The following EEPD1 variants were observed in gnomAD, a reference collection of about 807,000 sequenced individuals.
EEPD1 encodes the protein endonuclease/exonuclease/phosphatase family domain-containing protein 1.
EEPD1 carries 17 observed loss-of-function variants against 46.3 expected under a neutral mutation model. The observed-to-expected ratio is 0.37, with a 90% confidence interval of 0.25 to 0.55. The LOEUF (loss-of-function observed/expected upper bound fraction) is 0.55, where lower values mean the gene tolerates loss of function less well. Ranked by LOEUF, EEPD1 falls within the 20% of genes least tolerant of loss-of-function variation. The pLI, the probability that EEPD1 is intolerant of heterozygous loss-of-function variation, is 0.83. For synonymous variants in EEPD1, 313 were observed against 315.6 expected (o/e 0.99, Z 0.09); for missense variants, 673 against 745.6 (o/e 0.90, Z 1.13).
At chr7:36,284,163 G>C (rs1042555191) in intron 4 of EEPD1, among the ~76,000 whole-genome samples, 2 of 152,208 alleles carry the variant, frequency 1.3e-5, no homozygotes, top group Non-Finnish European at 2.9e-5. Context: ...GGTCAACTGC[G>C]ACCTCCACTC....
rs1338413879 is a variant in EEPD1 at position 36,299,383 on chromosome 7, G to C, written c.*177G>C. 2.6e-6 allele frequency: 2 copies of C among 771,256 alleles called. No homozygotes were observed. The highest frequency in any genetic ancestry group is 3.5e-5 in the African/African-American group (2 of 57,098). 47.8% of individuals were successfully genotyped at this position (771,256 alleles called of 1,614,324 possible). A position where few individuals can be genotyped will look rare whatever the true frequency, so the allele number is the denominator to read the frequency against. ...CCATTCAGGACCTCCAGTGGGGGTG[G>C]CGTGCCAGGCGCGTACCCCACCAGG... On this transcript the variant is annotated 3_prime_UTR_variant, in exon 8 of 8. Transcript: ENST00000242108.
At chr7:36,239,150 A>T in intron 3 of EEPD1, 114 bp downstream of exon 3, 1 of 1,037,454 alleles carries the variant, frequency 9.6e-7, no homozygotes, top group Non-Finnish European at 1.5e-6. Flanking sequence ...ACGGTCAGTT[A>T]TTTTGTATTC....
intron 3 of EEPD1, among the ~76,000 whole-genome samples, chr7:36,243,960 A>G (rs1047525905): frequency 6.6e-6 from 1 of 151,496 alleles, no homozygotes; most frequent in Non-Finnish European, 1.5e-5. Context: ...TGACGAGTTA[A>G]TGGGTGCAGC....
chr7:36,289,508 T>C (rs1425191069), intron 6 of EEPD1, among the ~76,000 whole-genome samples: 1 of 152,234 alleles, frequency 6.6e-6, no homozygotes, highest in Non-Finnish European at 1.5e-5. Context: ...TGTCAGAATT[T>C]CCTCACTTTT....
At chr7:36,274,624 G>A (rs1787158250) in intron 3 of EEPD1, among the ~76,000 whole-genome samples, 1 of 152,046 alleles carries the variant, frequency 6.6e-6, no homozygotes, top group South Asian at 2.1e-4. Flanking sequence ...TGTGTGCCGT[G>A]GTGATTTGCT....
intron 2 of EEPD1, among the ~76,000 whole-genome samples, chr7:36,183,705 T>G (rs759411): frequency 0.96 from 146,357 of 151,864 alleles, 70,771 homozygotes; most frequent in East Asian, 1. Flanking sequence ...TTGGAGATGG[T>G]GTCTTACTTT....
intron 2 of EEPD1, among the ~76,000 whole-genome samples, chr7:36,235,343 C>G (rs1399700698): frequency 6.6e-6 from 1 of 152,270 alleles, no homozygotes; most frequent in Non-Finnish European, 1.5e-5. Flanking sequence ...TCAATTCTGT[C>G]ACCCTGGTTG....
intron 2 of EEPD1, among the ~76,000 whole-genome samples, chr7:36,214,334 G>A (rs1486407219): frequency 1.3e-5 from 2 of 152,176 alleles, no homozygotes; most frequent in African/African-American, 4.8e-5. Context: ...TGGTTTTTCA[G>A]ACAGCATCCA....
At chr7:36,160,280 G>A (rs1006226971) in intron 2 of EEPD1, among the ~76,000 whole-genome samples, 1 of 152,364 alleles carries the variant, frequency 6.6e-6, no homozygotes, top group African/African-American at 2.4e-5. Context: ...TCTGTTCTAG[G>A]AGGAAAGACA....
At chr7:36,195,164 C>A (rs1034598826) in intron 2 of EEPD1, among the ~76,000 whole-genome samples, 2 of 152,154 alleles carry the variant, frequency 1.3e-5, no homozygotes, top group African/African-American at 2.4e-5. Flanking sequence ...CTCTTAGTAA[C>A]GTGGGAGGGG....
At chr7:36,159,792 C>G (rs184525768) in intron 2 of EEPD1, among the ~76,000 whole-genome samples, 1 of 152,142 alleles carries the variant, frequency 6.6e-6, no homozygotes, top group African/African-American at 2.4e-5. Context: ...AGAGGTAGAG[C>G]CAATCCAAAA....
Position 36,287,689 on chromosome 7 carries a change from C to T in EEPD1, c.1227C>T (p.Thr409=). 17 of 1,614,140 alleles carry T rather than the reference C, an allele frequency of 1.1e-5. No individual in the cohort carries two copies. The highest frequency in any genetic ancestry group is 1.4e-5 in the Non-Finnish European group (17 of 1,180,024). ...TTAACCTTCACCTGGCAGCCCTGACCCTCCTGGGGAGCGAGAATCCCAGCA... is the reference window on the plus strand; with the variant it reads ...TTAACCTTCACCTGGCAGCCCTGACTCTCCTGGGGAGCGAGAATCCCAGCA... The part of the protein sequence containing the change: ...TLVNLHLAAL[T]LLGSENPSKN... Residue 409 remains threonine, a synonymous_variant, in exon 6 of 8, where the codon ACC becomes ACT. Transcript: ENST00000242108.
At chr7:36,168,444 G>A (rs1282846068) in intron 2 of EEPD1, among the ~76,000 whole-genome samples, 1 of 152,132 alleles carries the variant, frequency 6.6e-6, no homozygotes, top group Admixed American at 6.5e-5. Context: ...CTTGGAAATG[G>A]GGCCAAAAGA....
intron 4 of EEPD1, among the ~76,000 whole-genome samples, chr7:36,283,229 C>T (rs552338721): frequency 2.0e-5 from 3 of 152,310 alleles, no homozygotes; most frequent in Admixed American, 6.5e-5. Flanking sequence ...GAGAGGGGAG[C>T]GCCTAGGTCA....
intron 3 of EEPD1, among the ~76,000 whole-genome samples, chr7:36,266,699 A>G (rs1787024507): frequency 6.6e-6 from 1 of 152,150 alleles, no homozygotes; most frequent in African/African-American, 2.4e-5. Flanking sequence ...ATCATCCAAA[A>G]AGGAAACCTC....
chr7:36,292,021 C>G (rs1008726902), intron 6 of EEPD1, among the ~76,000 whole-genome samples: 3 of 152,240 alleles, frequency 2.0e-5, no homozygotes, highest in Admixed American at 2.0e-4. Flanking sequence ...AACCTTTCCC[C>G]CTTGGCCCTG....
intron 2 of EEPD1, among the ~76,000 whole-genome samples, chr7:36,179,228 G>A (rs1307513419): frequency 6.6e-6 from 1 of 152,164 alleles, no homozygotes; most frequent in Non-Finnish European, 1.5e-5. Context: ...CTAATGGGCT[G>A]GTGGGAGCTG....
chr7:36,243,646 A>G (rs1424312416), intron 3 of EEPD1, among the ~76,000 whole-genome samples: 3 of 152,144 alleles, frequency 2.0e-5, no homozygotes, highest in Non-Finnish European at 4.4e-5. Context: ...GATGGAAGCT[A>G]TTCTAAAGGG....
intron 3 of EEPD1, among the ~76,000 whole-genome samples, chr7:36,275,706 C>T (rs550394049): frequency 2.0e-5 from 3 of 152,302 alleles, no homozygotes; most frequent in Admixed American, 6.5e-5. Flanking sequence ...GTGATCCACC[C>T]GCTTCGCCCT....
Sources: gnomAD v4.1 joint callset for allele counts (sites outside exome capture counted in the v4.1 genomes callset) on GRCh38, gnomAD v4.1.1 for gene constraint, MANE v1.5 for transcripts, NCBI Gene and HGNC (gene_info 2026-07-23, HGNC 2026-07-21) for gene names.